SAMD5: variants seen among roughly 807,000 people sequenced by gnomAD.
The protein encoded by SAMD5 is sterile alpha motif domain-containing protein 5.
A neutral mutation model predicts 11.3 loss-of-function variants in SAMD5; 13 were observed. The observed-to-expected ratio is 1.15, with a 90% CI of 0.75 to 1.83. SAMD5 has a LOEUF of 1.83. Among genes scored for constraint, SAMD5 ranks in the 40% most tolerant of loss-of-function variants. SAMD5 has a pLI of 0.00. For missense variants in SAMD5, 255 were observed against 239.1 expected (o/e 1.07, Z -0.44); for synonymous variants, 129 against 111.3 (o/e 1.16, Z -1.00).
intron 1 of SAMD5, among the ~76,000 whole-genome samples, chr6:147,533,910 T>C (rs1375104302): frequency 6.6e-6 from 1 of 152,270 alleles, no homozygotes; most frequent in Non-Finnish European, 1.5e-5. Flanking sequence ...CTGATTTAAA[T>C]GTTAATCAAC....
At chr6:147,902,453 A>T in the SAMD5 span, among the ~76,000 whole-genome samples, 8 of 152,050 alleles carry the variant, frequency 5.3e-5, no homozygotes, top group South Asian at 2.1e-4. Context: ...AATGAAATAG[A>T]ATTAACCTTA....
intron 1 of SAMD5, among the ~76,000 whole-genome samples, chr6:147,592,404 C>G (rs767025073): frequency 6.6e-6 from 1 of 151,852 alleles, no homozygotes; most frequent in Non-Finnish European, 1.5e-5. Context: ...CATGGGAGTG[C>G]GGGAGAGGCA....
chr6:147,944,400 A>G, the SAMD5 span, among the ~76,000 whole-genome samples: 1 of 152,178 alleles, frequency 6.6e-6, no homozygotes, highest in African/African-American at 2.4e-5. Context: ...GAGCTTGTGC[A>G]GGGAAACTCC....
the SAMD5 span, among the ~76,000 whole-genome samples, chr6:147,760,782 A>C: frequency 6.6e-6 from 1 of 152,136 alleles, no homozygotes; most frequent in Non-Finnish European, 1.5e-5. Flanking sequence ...AATTTGCTTA[A>C]ATTTCTGTGT....
Position 147,613,221 on chromosome 6 carries a change from CCTG to C in SAMD5, c.162+103836_162+103838del, listed in dbSNP as rs369573150. The stretch of plus-strand genomic sequence containing the variant: ...AAGCATTTGTCCTATCATCTGCTCC[CCTG>C]CCTTCCTGCACCCCCTAGAGCAGCT... On this transcript the variant is annotated intron_variant, in intron 1 of 1. Transcript: ENST00000566741. Among the ~76,000 whole-genome samples, 197 of 151,228 alleles carry C rather than the reference CCTG, an allele frequency of 1.3e-3. 1 individual carries two copies. Among genetic ancestry groups the C allele is most frequent in the Non-Finnish European group, 2.1e-3 (141 of 68,010 alleles).
At chr6:147,907,375 C>T in the SAMD5 span, among the ~76,000 whole-genome samples, 2 of 152,174 alleles carry the variant, frequency 1.3e-5, no homozygotes, top group East Asian at 1.9e-4. Context: ...TCTGCACATA[C>T]GTTACAGGAT....
chr6:147,946,272 G>A, the SAMD5 span, among the ~76,000 whole-genome samples: 1 of 152,064 alleles, frequency 6.6e-6, no homozygotes, highest in Admixed American at 6.6e-5. Context: ...TTGATGTGTG[G>A]GTAGGCATCC....
chr6:147,801,756 T>G, the SAMD5 span, among the ~76,000 whole-genome samples: 858 of 152,246 alleles, frequency 5.6e-3, 2 homozygotes, highest in Middle Eastern at 0.034. Flanking sequence ...GGCATTAAAG[T>G]AGATAAACAA....
At chr6:147,724,616 C>T (rs1791599983) in intron 1 of SAMD5, among the ~76,000 whole-genome samples, 1 of 151,934 alleles carries the variant, frequency 6.6e-6, no homozygotes, top group African/African-American at 2.4e-5. Flanking sequence ...TTATCCTGGC[C>T]CCCTGTGGAG....
chr6:147,919,854 C>G, the SAMD5 span, among the ~76,000 whole-genome samples: 1 of 152,296 alleles, frequency 6.6e-6, no homozygotes, highest in African/African-American at 2.4e-5. Flanking sequence ...GCCAGGGAAG[C>G]AACGTGACCT....
chr6:147,897,252 C>T, the SAMD5 span, among the ~76,000 whole-genome samples: 1 of 152,126 alleles, frequency 6.6e-6, no homozygotes. Flanking sequence ...GGTTTAGACA[C>T]AAACTAGAGG....
chr6:147,574,585 T>G (rs2128445672), downstream of SAMD5, among the ~76,000 whole-genome samples: 1 of 152,296 alleles, frequency 6.6e-6, no homozygotes, highest in East Asian at 1.9e-4. Flanking sequence ...TATAACAGAA[T>G]GCCTGAGACT....
chr6:147,753,149 G>T, the SAMD5 span, among the ~76,000 whole-genome samples: 2 of 152,080 alleles, frequency 1.3e-5, no homozygotes, highest in African/African-American at 4.8e-5. Flanking sequence ...TGTTGATTCC[G>T]ACATTCAGAA....
chr6:147,899,352 A>C, the SAMD5 span, among the ~76,000 whole-genome samples: 3 of 152,072 alleles, frequency 2.0e-5, no homozygotes, highest in East Asian at 5.8e-4. Flanking sequence ...AGCTGGAGAG[A>C]AGATAATTGT....
the SAMD5 span, among the ~76,000 whole-genome samples, chr6:147,905,258 A>G: frequency 6.6e-6 from 1 of 151,234 alleles, no homozygotes; most frequent in African/African-American, 2.4e-5. Context: ...ATCTCTGCTT[A>G]GCCTCCGCCT....
the SAMD5 span, among the ~76,000 whole-genome samples, chr6:147,837,251 C>A: frequency 1.3e-5 from 2 of 152,138 alleles, no homozygotes; most frequent in Non-Finnish European, 2.9e-5. Context: ...CTTCTTCTTA[C>A]CCCAGAAGAC....
the SAMD5 span, among the ~76,000 whole-genome samples, chr6:147,903,765 G>A: frequency 2.6e-5 from 4 of 152,062 alleles, no homozygotes; most frequent in Admixed American, 6.6e-5. Context: ...AAAATTAGCC[G>A]GGCTTGGTGG....
the SAMD5 span, among the ~76,000 whole-genome samples, chr6:147,916,964 C>T: frequency 6.7e-6 from 1 of 149,336 alleles, no homozygotes; most frequent in East Asian, 1.9e-4. Flanking sequence ...CATTGTTGGA[C>T]ATTTGGGTTG....
chr6:147,551,979 G>C (rs921667886), intron 1 of SAMD5, among the ~76,000 whole-genome samples: 2 of 151,970 alleles, frequency 1.3e-5, no homozygotes, highest in African/African-American at 4.8e-5. Context: ...TGTTATCGGA[G>C]TTTAAATTTT....
Sources: gnomAD v4.1 joint callset for allele counts (sites outside exome capture counted in the v4.1 genomes callset) on GRCh38, gnomAD v4.1.1 for gene constraint, MANE v1.5 for transcripts, NCBI Gene and HGNC (gene_info 2026-07-23, HGNC 2026-07-21) for gene names.